Variants in ALDH1A2 observed in about 807,000 individuals in gnomAD.
The protein encoded by ALDH1A2 is retinal dehydrogenase 2.
Under a neutral mutation model 60.3 loss-of-function variants are expected in ALDH1A2, and 27 were observed. The ratio of observed to expected loss-of-function variants is 0.45; its 90% CI spans 0.33 to 0.62. ALDH1A2 has a LOEUF of 0.62. ALDH1A2 is among the 20% of genes least tolerant of loss of function. The pLI is 0.02. For missense variants in ALDH1A2, 581 were observed against 643.8 expected (o/e 0.90, Z 1.06); for synonymous variants, 289 against 232.4 (o/e 1.24, Z -2.21).
chr15:58,065,578 G>T lies in ALDH1A2; in HGVS notation c.73C>A (p.Leu25Ile). 1 of 1,613,518 alleles carries T rather than the reference G, an allele frequency of 6.2e-7. No individual in the cohort carries two copies. Among genetic ancestry groups the T allele is most frequent in the African/African-American group, 1.3e-5 (1 of 75,034 alleles). Residue 25 changes from leucine to isoleucine, a missense_variant, in exon 1 of 13, where the codon CTC (leucine) becomes ATC (isoleucine). Leu to Ile is a conservative substitution (Grantham distance 5). This residue lies in a region of ALDH1A2 where 206 missense variants were observed against 174.1 expected (regional missense o/e 1.18). Coordinates refer to ENST00000249750, the MANE Select transcript of ALDH1A2 (RefSeq NM_003888.4). Reference protein sequence around the residue: ...DPAALMASLHLLPSPTPNLEI... With the variant: ...DPAALMASLHILPSPTPNLEI... ...AGATTGGGCGTGGGCGACGGCAGGAGGTGCAGCGACGCCATGAGGGCGGCG... is the reference window on the plus strand; with the variant it reads ...AGATTGGGCGTGGGCGACGGCAGGATGTGCAGCGACGCCATGAGGGCGGCG...
At chr15:58,030,308 A>G (rs1318966074) in intron 1 of ALDH1A2, among the ~76,000 whole-genome samples, 1 of 152,218 alleles carries the variant, frequency 6.6e-6, no homozygotes, top group Non-Finnish European at 1.5e-5. Flanking sequence ...ATCTCAATAG[A>G]TGCAGAAAAG....
chr15:58,037,692 A>AT (rs1896411645), intron 1 of ALDH1A2, among the ~76,000 whole-genome samples: 1 of 151,736 alleles, frequency 6.6e-6, no homozygotes, highest in African/African-American at 2.4e-5. Flanking sequence ...AGTATCCCAC[A>AT]TAATTCAGAA....
chr15:58,037,723 T>C (rs901922175), intron 1 of ALDH1A2, among the ~76,000 whole-genome samples: 18 of 151,726 alleles, frequency 1.2e-4, no homozygotes, highest in African/African-American at 4.1e-4. Context: ...TGTCTGGAAG[T>C]GTGCAATTCC....
chr15:58,052,987 A>T (rs1481781631), intron 1 of ALDH1A2, among the ~76,000 whole-genome samples: 3 of 152,208 alleles, frequency 2.0e-5, no homozygotes, highest in African/African-American at 7.2e-5. Context: ...TCTGCAAATG[A>T]AATCAGACAA....
At chr15:58,065,492 T>C (rs1282665551) in intron 1 of ALDH1A2, 42 bp downstream of exon 1, 7 of 1,522,114 alleles carry the variant, frequency 4.6e-6, no homozygotes, top group African/African-American at 1.4e-5. Flanking sequence ...AAGAAGGTTC[T>C]AGAAAGTCTC....
intron 1 of ALDH1A2, among the ~76,000 whole-genome samples, chr15:58,051,371 ATTTT>A (rs869130782): frequency 1.4e-5 from 2 of 138,442 alleles, no homozygotes; most frequent in Non-Finnish European, 3.3e-5. Flanking sequence ...TTATTTATTT[ATTTT>A]TTTAGATAGG....
At position 57,958,214 on chromosome 15, in the gene ALDH1A2, G is replaced by GCGCACACA. The variant is rs67551670; in HGVS notation, c.1484+2555_1484+2556insTGTGTGCG. ...TCTGTATGCATGCGTGTACACGCAC[G>GCGCACACA]CACACACACACATAAATTTGACAAG... On this transcript the variant is annotated intron_variant, in intron 12 of 12. Coordinates refer to ENST00000249750, the MANE Select transcript of ALDH1A2 (RefSeq NM_003888.4). 2.8e-3 allele frequency among the ~76,000 whole-genome samples: 421 copies of GCGCACACA among 151,818 alleles called. 1 individual carries two copies. Among genetic ancestry groups the GCGCACACA allele is most frequent in the African/African-American group, 9.7e-3 (402 of 41,438 alleles).
At chr15:57,998,746 A>T (rs1895151458) in intron 4 of ALDH1A2, among the ~76,000 whole-genome samples, 1 of 152,156 alleles carries the variant, frequency 6.6e-6, no homozygotes, top group Admixed American at 6.5e-5. Flanking sequence ...TAGCCAAGAC[A>T]ATCCTAAGCA....
intron 1 of ALDH1A2, among the ~76,000 whole-genome samples, chr15:58,048,964 C>T (rs970885167): frequency 6.6e-6 from 1 of 151,726 alleles, no homozygotes; most frequent in African/African-American, 2.4e-5. Flanking sequence ...CCTTTGTAAT[C>T]CCTCCCTCTT....
At position 57,989,167 on chromosome 15, in the gene ALDH1A2, T is replaced by C. The variant is rs145720548; in HGVS notation, c.798+3538A>G. On this transcript the variant is annotated intron_variant, in intron 7 of 12. Transcript: ENST00000249750. ...CCATCTCAAAAATGTTACTCGTTTT[T>C]AGACTGAAATATCTTGGAAGAAAAC... Among the ~76,000 whole-genome samples the C allele has an allele frequency of 1.0e-3, 153 of 152,342 alleles. 3 individuals carry two copies. In the East Asian group the frequency reaches 0.027, roughly 27 times the overall value.
At chr15:57,967,569 C>A (rs963649706) in intron 7 of ALDH1A2, among the ~76,000 whole-genome samples, 1 of 152,176 alleles carries the variant, frequency 6.6e-6, no homozygotes, top group Non-Finnish European at 1.5e-5. Context: ...TCCAATATCA[C>A]TCATTAACTG....
chr15:57,984,710 G>A (rs779760834), intron 7 of ALDH1A2, among the ~76,000 whole-genome samples: 15 of 152,200 alleles, frequency 9.9e-5, no homozygotes, highest in Non-Finnish European at 1.9e-4. Flanking sequence ...TTTTATGGGT[G>A]AACAGTATTC....
chr15:58,063,314 T>C (rs1897089550), intron 1 of ALDH1A2, among the ~76,000 whole-genome samples: 1 of 152,220 alleles, frequency 6.6e-6, no homozygotes, highest in Admixed American at 6.5e-5. Context: ...TAACACGCCC[T>C]AACGCGTAAT....
chr15:57,957,405 G>C (rs959282759), intron 12 of ALDH1A2, among the ~76,000 whole-genome samples: 5 of 152,170 alleles, frequency 3.3e-5, no homozygotes, highest in Non-Finnish European at 5.9e-5. Context: ...TGGTCATGTG[G>C]GTCACACTTT....
At chr15:58,014,641 A>G in intron 1 of ALDH1A2, 1 of 422,122 alleles carries the variant, frequency 2.4e-6, no homozygotes, top group Non-Finnish European at 4.7e-6. Context: ...ATAGCAGATC[A>G]AACTTACAGT....
intron 1 of ALDH1A2, among the ~76,000 whole-genome samples, chr15:58,016,479 T>C (rs781402423): frequency 4.6e-5 from 7 of 152,150 alleles, no homozygotes; most frequent in Non-Finnish European, 8.8e-5. Flanking sequence ...CAGTTTTAAT[T>C]ATTTGTAAAG....
At chr15:57,982,348 T>C (rs1471198304) in intron 7 of ALDH1A2, among the ~76,000 whole-genome samples, 2 of 152,228 alleles carry the variant, frequency 1.3e-5, no homozygotes, top group African/African-American at 4.8e-5. Flanking sequence ...CTGACATATT[T>C]AATCTTGATT....
At chr15:58,026,532 G>C (rs1209852912) in intron 1 of ALDH1A2, among the ~76,000 whole-genome samples, 6 of 152,166 alleles carry the variant, frequency 3.9e-5, no homozygotes, top group African/African-American at 1.4e-4. Flanking sequence ...AGTGGGTGCA[G>C]CCCACAGAGG....
intron 4 of ALDH1A2, among the ~76,000 whole-genome samples, chr15:57,996,298 C>T (rs1275307460): frequency 1.4e-5 from 2 of 144,862 alleles, no homozygotes; most frequent in Non-Finnish European, 3.0e-5. Flanking sequence ...AAAGTCTTGG[C>T]CTCTCTCTCT....
Sources: gnomAD v4.1 joint callset for allele counts (sites outside exome capture counted in the v4.1 genomes callset) on GRCh38, gnomAD v4.1.1 for gene constraint, gnomAD v4.1.1 regional missense constraint, MANE v1.5 for transcripts, NCBI Gene and HGNC (gene_info 2026-07-23, HGNC 2026-07-21) for gene names.